DMD: variants seen among roughly 807,000 people sequenced by gnomAD.
DMD encodes mutant dystrophin.
In DMD, 63 loss-of-function variants were observed where a neutral mutation model predicts 330.1. That is an observed-to-expected ratio of 0.19 (90% CI 0.16 to 0.24). The LOEUF is 0.24. Among genes scored for constraint, DMD ranks in the 10% least tolerant of loss-of-function variants. The probability of loss-of-function intolerance (pLI) is 1.00; values close to 1 mark genes in which losing one functional copy is unlikely to be tolerated. For synonymous variants in DMD, 1,223 were observed against 959.8 expected, an observed-to-expected ratio of 1.27 and a Z score of -5.07; for missense variants, 3,344 against 2,684.1, an observed-to-expected ratio of 1.25 and a Z score of -5.43.
chrX:33,067,091 T>C (rs1203850683), intron 1 of DMD, among the ~76,000 whole-genome samples: 1 of 112,311 alleles, frequency 8.9e-6, no homozygotes, highest in Non-Finnish European at 1.9e-5. Context: ...GAAAACACAG[T>C]TAAATAAGCA....
intron 48 of DMD, among the ~76,000 whole-genome samples, chrX:31,859,237 C>T (rs1191291965): frequency 9.0e-6 from 1 of 111,094 alleles, no homozygotes; most frequent in Admixed American, 9.6e-5. Context: ...TGGAGAGGAG[C>T]AGGAGGAGAG....
rs111920329 is a variant in DMD, at chrX:32,442,807, C to A, written c.3787-1493G>T. Among the ~76,000 whole-genome samples, 514 of 110,352 alleles carry A rather than the reference C, an allele frequency of 4.7e-3. 3 individuals are homozygous for A. Among genetic ancestry groups the A allele is most frequent in the African/African-American group, 0.016 (474 of 30,509 alleles). On this transcript the variant is annotated intron_variant, in intron 27 of 78. Transcript: ENST00000357033. ...CTTTAAACAGAGAATACAGACGTGA[C>A]AATGAAAAATCTCATCAAAAAGAAC...
intron 44 of DMD, among the ~76,000 whole-genome samples, chrX:32,042,714 C>T (rs1339283577): frequency 1.8e-5 from 2 of 111,846 alleles, no homozygotes; most frequent in East Asian, 2.8e-4. Context: ...AGGTTGCCTA[C>T]GGCTGTACAA....
intron 7 of DMD, among the ~76,000 whole-genome samples, chrX:32,703,735 G>A (rs907304939): frequency 9.0e-6 from 1 of 111,623 alleles, no homozygotes; most frequent in African/African-American, 3.3e-5. Flanking sequence ...TAAAGTCATA[G>A]AAATTGATGA....
chrX:31,623,676 T>G (rs1049907424), intron 55 of DMD, among the ~76,000 whole-genome samples: 4 of 111,746 alleles, frequency 3.6e-5, no homozygotes, highest in African/African-American at 1.3e-4. Context: ...GAAGACAATT[T>G]TTATAATGGG....
chrX:31,242,500 T>C (rs1013393122), intron 63 of DMD, among the ~76,000 whole-genome samples: 1 of 110,801 alleles, frequency 9.0e-6, no homozygotes, highest in Admixed American at 9.7e-5. Flanking sequence ...CTGCTCTTCC[T>C]ACCTATATAA....
In DMD at chrX:32,702,299, G is replaced by A. The variant is rs1180829090; in HGVS notation, c.650-3006C>T. 2.7e-5 allele frequency among the ~76,000 whole-genome samples: 3 copies of A among 111,841 alleles called. No individual in the cohort carries two copies. The East Asian group carries it at 8.4e-4, about 31-fold the overall frequency. On this transcript the variant is annotated intron_variant, in intron 7 of 78. Coordinates refer to ENST00000357033, the MANE Select transcript of DMD (RefSeq NM_004006.3). Reference sequence around the variant, plus strand: ...AAATCATATAATATTGGAGGATAAGGCAATTCTCTTTAAATAGGAAACTGA... The same window carrying A: ...AAATCATATAATATTGGAGGATAAGACAATTCTCTTTAAATAGGAAACTGA...
intron 19 of DMD, among the ~76,000 whole-genome samples, chrX:32,501,348 C>T (rs2044035811): frequency 9.0e-6 from 1 of 111,274 alleles, no homozygotes; most frequent in African/African-American, 3.3e-5. Flanking sequence ...GTAAAACATT[C>T]CATATAATTT....
rs754271001 is a variant in DMD at position 31,573,465 on chromosome X, T to G, written c.8217+54208A>C. 3.6e-5 allele frequency among the ~76,000 whole-genome samples: 4 copies of G among 111,612 alleles called. No individual in the cohort carries two copies. In the South Asian group the frequency reaches 1.5e-3, roughly 42 times the overall value. ...TACACTGGGATCTAGATTTTGTACC[T>G]CTGGATCTTTTCTAAGCTGAATAAA... On this transcript the variant is annotated intron_variant, in intron 55 of 78. Transcript: ENST00000357033.
At chrX:32,236,035 G>A (rs1178010106) in intron 43 of DMD, among the ~76,000 whole-genome samples, 1 of 111,440 alleles carries the variant, frequency 9.0e-6, no homozygotes, top group Non-Finnish European at 1.9e-5. Flanking sequence ...TAAAATCATG[G>A]TAAAATAAAA....
intron 11 of DMD, among the ~76,000 whole-genome samples, chrX:32,624,771 G>A (rs1793695344): frequency 8.9e-6 from 1 of 111,853 alleles, no homozygotes; most frequent in African/African-American, 3.3e-5. Context: ...TTTTTCAAAT[G>A]ATTTTACTCG....
intron 7 of DMD, among the ~76,000 whole-genome samples, chrX:32,757,453 G>T (rs1462184304): frequency 9.0e-6 from 1 of 111,198 alleles, no homozygotes; most frequent in Non-Finnish European, 1.9e-5. Flanking sequence ...GATATGGTTT[G>T]GTTGTTTCTT....
chrX:31,279,457 A>G lies in DMD; in HGVS notation c.9225-18441T>C, dbSNP rs1380382169. ...TGTATCTCTTCCCACCAACAGGTGG[A>G]GTCTTTCCCCACTCCTTACATCTGG... On this transcript the variant is annotated intron_variant, in intron 62 of 78. Coordinates refer to ENST00000357033, the MANE Select transcript of DMD (RefSeq NM_004006.3). 2.7e-5 allele frequency among the ~76,000 whole-genome samples: 3 copies of G among 111,827 alleles called. No individual in the cohort carries two copies. The East Asian group carries it at 8.4e-4, about 31-fold the overall frequency.
intron 75 of DMD, among the ~76,000 whole-genome samples, chrX:31,146,872 G>A (rs2036766096): frequency 8.9e-6 from 1 of 111,766 alleles, no homozygotes; most frequent in African/African-American, 3.2e-5. Context: ...CTAGGTTTTC[G>A]ATGGAGGCTT....
intron 1 of DMD, among the ~76,000 whole-genome samples, chrX:33,186,262 A>C (rs930604549): frequency 2.7e-5 from 3 of 111,851 alleles, no homozygotes; most frequent in Non-Finnish European, 3.8e-5. Flanking sequence ...CTCTCCTTTC[A>C]CTGCCTTTTC....
At chrX:31,404,957 A>G (rs1433640729) in intron 60 of DMD, among the ~76,000 whole-genome samples, 1 of 112,109 alleles carries the variant, frequency 8.9e-6, no homozygotes, top group African/African-American at 3.2e-5. Context: ...GCAAAATACC[A>G]ATGAAATACA....
rs936456683 is a variant in DMD at position 32,832,715 on chromosome X, A to G, written c.265-9328T>C. On this transcript the variant is annotated intron_variant, in intron 4 of 78. Coordinates refer to ENST00000357033, the MANE Select transcript of DMD (RefSeq NM_004006.3). ...CTTTTACACCACATTTAAGATTTAC[A>G]CTGTTTAAAATTTCAAGACTTATGG... Among the ~76,000 whole-genome samples, 3 of 111,717 alleles carry G rather than the reference A, an allele frequency of 2.7e-5. No individual in the cohort carries two copies. The Admixed American group carries it at 2.9e-4, about 11-fold the overall frequency.
intron 6 of DMD, among the ~76,000 whole-genome samples, chrX:32,815,153 GATGGGGTTAA>G (rs2077632578): frequency 9.0e-6 from 1 of 110,693 alleles, no homozygotes; most frequent in Non-Finnish European, 1.9e-5. Flanking sequence ...ACCCAGTCGG[GATGGGGTTAA>G]TTAAATCCAG....
At chrX:31,235,315 A>C (rs1438032341) in intron 63 of DMD, among the ~76,000 whole-genome samples, 1 of 112,497 alleles carries the variant, frequency 8.9e-6, no homozygotes, top group Non-Finnish European at 1.9e-5. Context: ...ATGGCATTGG[A>C]AATTTCCTAC....
Sources: allele counts gnomAD v4.1 joint callset (sites outside exome capture counted in the v4.1 genomes callset), GRCh38; gene constraint gnomAD v4.1.1; transcripts MANE v1.5; gene names NCBI Gene and HGNC (gene_info 2026-07-23, HGNC 2026-07-21).